Variants in TTN observed in about 807,000 individuals in gnomAD.
TTN encodes the protein titin.
In TTN, 1,525 loss-of-function variants were observed where a neutral mutation model predicts 3,223.0. The observed-to-expected ratio is 0.47, with a 90% CI of 0.45 to 0.49. The LOEUF (loss-of-function observed/expected upper bound fraction) is 0.49. TTN is among the 20% of genes least tolerant of loss of function. The pLI is 0.00. For missense variants in TTN, 40,786 were observed against 43,424.0 expected (o/e 0.94, Z 5.40); for synonymous variants, 14,094 against 15,161.0 (o/e 0.93, Z 5.17).
intron 47 of TTN, chr2:178,749,532 G>C (rs776618967): frequency 1.2e-6 from 2 of 1,612,710 alleles, no homozygotes; most frequent in Non-Finnish European, 1.7e-6. Context: ...GGACCAGCTG[G>C]ATAATCATAA....
At position 178,554,742 on chromosome 2, in the gene TTN, G is replaced by T; in HGVS notation, c.88605C>A (p.Gly29535=). The change falls in exon 332 of 363, where the codon GGC becomes GGA. Residue 29535 remains glycine, a synonymous_variant. Coordinates refer to ENST00000589042, the MANE Select transcript of TTN (RefSeq NM_001267550.2). ...TAAATTCAATTGGTCCACCAGGTGG[G>T]CCTGGTTTGTCTATCAGTGAAAGGA... ...TIRVQILDKP[G]PPGGPIEFKT... 6.2e-7 allele frequency: 1 copy of T among 1,613,540 alleles called. No homozygotes were observed. The highest frequency in any genetic ancestry group is 8.5e-7 in the Non-Finnish European group (1 of 1,179,754).
intron 236 of TTN, 128 bp from the exon 237 acceptor site, chr2:178,631,428 T>G (rs1284650619): frequency 4.0e-6 from 4 of 1,001,428 alleles, no homozygotes; most frequent in Middle Eastern, 3.2e-4. Context: ...TGTTCAATCA[T>G]TTAACCTGTT....
At position 178,533,456 on chromosome 2, in the gene TTN, A is replaced by G; in HGVS notation, c.103159T>C (p.Ser34387Pro). Reference sequence around the variant, plus strand: ...TTTAATGTTGGTGGGGGGATGCCAGACACTCTGATCTCAAAGCAGACACTT... The same window carrying G: ...TTTAATGTTGGTGGGGGGATGCCAGGCACTCTGATCTCAAAGCAGACACTT... ...GQSVCFEIRV[S>P]GIPPPTLKWE... Residue 34387 changes from serine (S) to proline (P), a missense_variant, in exon 358 of 363, where the codon TCT becomes CCT. By Grantham distance (74) the Ser-to-Pro change is moderately conservative. Coordinates refer to ENST00000589042, the MANE Select transcript of TTN (RefSeq NM_001267550.2). 6.2e-7 allele frequency: 1 copy of G among 1,613,736 alleles called. No individual in the cohort carries two copies. Among genetic ancestry groups the G allele is most frequent in the South Asian group, 1.1e-5 (1 of 91,080 alleles).
chr2:178,589,306 T>G lies in TTN; in HGVS notation c.62419A>C (p.Lys20807Gln). 1 of 1,613,226 alleles carries G rather than the reference T, an allele frequency of 6.2e-7. No homozygotes were observed. The highest frequency in any genetic ancestry group is 8.5e-7 in the Non-Finnish European group (1 of 1,179,430). ...GATCTTGTTAAGTCTGTAGCGTCTTTGTCCTTGGTCCATGCAACTTCTGGG... is the reference window on the plus strand; with the variant it reads ...GATCTTGTTAAGTCTGTAGCGTCTTGGTCCTTGGTCCATGCAACTTCTGGG... ...PFPEVAWTKD[K>Q]DATDLTRSPR... is the part of the protein sequence containing the mutation. The change falls in exon 304 of 363, where the codon AAA (lysine) becomes CAA (glutamine). Residue 20807 changes from lysine to glutamine, a missense_variant. By Grantham distance (53) the Lys-to-Gln change is moderately conservative. Coordinates refer to ENST00000589042, the MANE Select transcript of TTN (RefSeq NM_001267550.2).
At chr2:178,743,059 A>G (rs1218349417) in intron 47 of TTN, 2 of 152,080 alleles carry the variant, frequency 1.3e-5, no homozygotes, top group African/African-American at 4.8e-5. Context: ...TCTACAATAC[A>G]TAATTCGCGT....
intron 29 of TTN, 152 bp downstream of exon 29, chr2:178,774,769 T>C (rs1178056795): frequency 1.1e-6 from 1 of 940,200 alleles, no homozygotes; most frequent in Non-Finnish European, 1.6e-6. Flanking sequence ...CATTCTTAAT[T>C]ACGAACATAA....
At chr2:178,610,529 T>C (rs537887287) in intron 270 of TTN, 140 bp from the exon 271 acceptor site, 6 of 915,384 alleles carry the variant, frequency 6.6e-6, no homozygotes, top group African/African-American at 3.4e-5. Flanking sequence ...CTGCAGAGCA[T>C]TTAGCATCCT....
Position 178,740,295 on chromosome 2 carries a change from T to A in TTN, c.12938A>T (p.Asn4313Ile), listed in dbSNP as rs1202314960. ...TCTGACCGCAGAATCTTGCCCTGCA[T>A]TTTCCAGTGGATTTGCACTTTCTAT... Reference protein sequence around the residue: ...ILIESANPLENAGQDSAVRIE... With the variant: ...ILIESANPLEIAGQDSAVRIE... Residue 4313 changes from asparagine to isoleucine, a missense_variant, in exon 48 of 363, where the codon AAT becomes ATT. By Grantham distance (149) the Asn-to-Ile change is moderately radical. Coordinates refer to ENST00000589042, the MANE Select transcript of TTN (RefSeq NM_001267550.2). 9 of 1,613,724 alleles carry A rather than the reference T, an allele frequency of 5.6e-6. No homozygotes were observed. The South Asian group carries it at 8.8e-5, about 16-fold the overall frequency.
Position 178,533,004 on chromosome 2 carries a change from C to T in TTN, c.103611G>A (p.Arg34537=). The T allele has an allele frequency of 6.2e-7, 1 of 1,613,902 alleles. No homozygotes were observed. Among genetic ancestry groups the T allele is most frequent in the Non-Finnish European group, 8.5e-7 (1 of 1,179,866 alleles). The change falls in exon 358 of 363, where the codon CGG becomes CGA. Residue 34537 remains arginine (R), a synonymous_variant. Coordinates refer to ENST00000589042, the MANE Select transcript of TTN (RefSeq NM_001267550.2). The stretch of plus-strand genomic sequence containing the variant: ...GTGGCTCTGGTACATCATAAGGCAT[C>T]CGGAGTTTTCTCTCCTCCTTCTTTT... The part of the protein sequence containing the change: ...IEEKKEERKL[R]MPYDVPEPRK...
chr2:178,804,483 GC>G (rs1292812009), intron 2 of TTN, 68 bp downstream of exon 2: 9 of 1,490,354 alleles, frequency 6.0e-6, no homozygotes, highest in Admixed American at 1.7e-5. Context: ...GTCAAGTCCT[GC>G]AGCAACGTTA....
In TTN at chr2:178,617,333, T is replaced by G; in HGVS notation, c.47752A>C (p.Thr15918Pro). 1 of 1,574,680 alleles carries G rather than the reference T, an allele frequency of 6.4e-7. No homozygotes were observed. Among genetic ancestry groups the G allele is most frequent in the Non-Finnish European group, 8.6e-7 (1 of 1,164,208 alleles). Residue 15918 changes from threonine to proline, a missense_variant, in exon 254 of 363, where the codon ACT (threonine) becomes CCT (proline). Thr to Pro is a conservative substitution (Grantham distance 38, BLOSUM62 -1). Transcript: ENST00000589042. ...ATATGCAAATGACCTACCTTGTAAG[T>G]CAGTTCAGGGACAAGTTTCATATTG... The part of the protein sequence containing the change: ...RCNMKLVPEL[T>P]YKVTGLEKGN...
chr2:178,549,778 A>G lies in TTN; in HGVS notation c.91944T>C (p.Gly30648=). ...TLWWDAPLND[G]CAPITHYIIE... ...TGATGTAGTGGGTTATGGGAGCACAACCGTCATTGAGTGGGGCATCCCACC... is the reference window on the plus strand; with the variant it reads ...TGATGTAGTGGGTTATGGGAGCACAGCCGTCATTGAGTGGGGCATCCCACC... The change falls in exon 338 of 363, where the codon GGT becomes GGC. Residue 30648 remains glycine, a synonymous_variant. Coordinates refer to ENST00000589042, the MANE Select transcript of TTN (RefSeq NM_001267550.2). The G allele has an allele frequency of 6.2e-7, 1 of 1,612,562 alleles. No homozygotes were observed. The highest frequency in any genetic ancestry group is 8.5e-7 in the Non-Finnish European group (1 of 1,178,804).
In TTN at chr2:178,589,679, C is replaced by A. The variant is rs756250387; in HGVS notation, c.62046G>T (p.Lys20682Asn). 1.9e-6 allele frequency: 3 copies of A among 1,613,388 alleles called. No homozygotes were observed. Among genetic ancestry groups the A allele is most frequent in the Non-Finnish European group, 2.5e-6 (3 of 1,179,602 alleles). Residue 20682 changes from lysine (K) to asparagine (N), a missense_variant, in exon 304 of 363, where the codon AAG (lysine) becomes AAT (asparagine). Physicochemically the swap from Lys to Asn is moderately conservative, Grantham distance 94. Transcript: ENST00000589042. ...TCCGCCACTTTAGATAGACAAATGT[C>A]TTTCCTTTATCTGCAATGTGAAGGT... ...PENLHIADKGKTFVYLKWRRP... is the reference protein window; with the variant it reads ...PENLHIADKGNTFVYLKWRRP...
Position 178,530,423 on chromosome 2 carries a change from T to C in TTN, c.106192A>G (p.Lys35398Glu). Residue 35398 changes from lysine to glutamate, a missense_variant, in exon 358 of 363, where the codon AAA becomes GAA. By Grantham distance (56) the Lys-to-Glu change is moderately conservative. Coordinates refer to ENST00000589042, the MANE Select transcript of TTN (RefSeq NM_001267550.2). Reference sequence around the variant, plus strand: ...CTGGTTACTGTTGACTCAGTGGTTTTCTGATCTGATTTCTTAGTTTCTGAT... The same window carrying C: ...CTGGTTACTGTTGACTCAGTGGTTTCCTGATCTGATTTCTTAGTTTCTGAT... Reference protein sequence around the residue: ...KISETKKSDQKTTESTVTRKT... With the variant: ...KISETKKSDQETTESTVTRKT... The C allele has an allele frequency of 1.2e-6, 2 of 1,614,026 alleles. No homozygotes were observed. Among genetic ancestry groups the C allele is most frequent in the Non-Finnish European group, 1.7e-6 (2 of 1,179,888 alleles).
rs1018272067 is a variant in TTN at position 178,731,856 on chromosome 2, A to G, written c.17019T>C (p.Asp5673=). 6.2e-7 allele frequency: 1 copy of G among 1,613,796 alleles called. No homozygotes were observed. The highest frequency in any genetic ancestry group is 2.2e-5 in the East Asian group (1 of 44,872). ...TTCTACCACTTCGCAGGATTGTGTTATCTTTGAACCAAGTGATCTCAAAGG... is the reference window on the plus strand; with the variant it reads ...TTCTACCACTTCGCAGGATTGTGTTGTCTTTGAACCAAGTGATCTCAAAGG... ...TPPFEITWFK[D]NTILRSGRKY... The change falls in exon 58 of 363, where the codon GAT becomes GAC. Residue 5673 remains aspartate (D), a synonymous_variant. Transcript: ENST00000589042.
Position 178,583,768 on chromosome 2 carries a change from A to T in TTN, c.65414T>A (p.Val21805Glu). 2 of 1,611,404 alleles carry T rather than the reference A, an allele frequency of 1.2e-6. No homozygotes were observed. Among genetic ancestry groups the T allele is most frequent in the Non-Finnish European group, 1.7e-6 (2 of 1,178,742 alleles). ...EACKLPGDKW[V>E]RCNTAPHQIP... is the part of the protein sequence containing the mutation. ...CTGGTGAGGTGCAGTATTGCACCGT[A>T]CCCATTTATCACCAGGAAGTTTGCA... The change falls in exon 312 of 363, where the codon GTA becomes GAA. Residue 21805 changes from valine to glutamate, a missense_variant. Coordinates refer to ENST00000589042, the MANE Select transcript of TTN (RefSeq NM_001267550.2).
rs777789224 is a variant in TTN at position 178,593,030 on chromosome 2, C to T, written c.59089G>A (p.Val19697Ile). The T allele has an allele frequency of 6.2e-7, 1 of 1,613,436 alleles. No individual in the cohort carries two copies. The highest frequency in any genetic ancestry group is 8.5e-7 in the Non-Finnish European group (1 of 1,179,628). Residue 19697 changes from valine (V) to isoleucine (I), a missense_variant, in exon 300 of 363, where the codon GTC (valine) becomes ATC (isoleucine). Physicochemically the swap from Val to Ile is conservative, Grantham distance 29. Coordinates refer to ENST00000589042, the MANE Select transcript of TTN (RefSeq NM_001267550.2). ...CGTGGTGGCTGCCAAGTTAGATCGA[C>T]TGAATTGCATGTTGTATCTATTGCT... ...PEAIDTTCNSVDLTWQPPRHD... is the reference protein window; with the variant it reads ...PEAIDTTCNSIDLTWQPPRHD...
At chr2:178,676,248 T>C in intron 147 of TTN, 1 of 325,902 alleles carries the variant, frequency 3.1e-6, no homozygotes, top group Non-Finnish European at 5.6e-6. Flanking sequence ...TTACTTTTAA[T>C]GCTAAAAACC....
At position 178,773,840 on chromosome 2, in the gene TTN, T is replaced by C. The variant is rs369407160; in HGVS notation, c.7328A>G (p.Tyr2443Cys). 20 of 1,613,974 alleles carry C rather than the reference T, an allele frequency of 1.2e-5. No individual in the cohort carries two copies. In the African/African-American group the frequency reaches 2.0e-4, roughly 16 times the overall value. ...GLSTSGRVSVYSVDVITPLKD... is the reference protein window; with the variant it reads ...GLSTSGRVSVCSVDVITPLKD... The stretch of plus-strand genomic sequence containing the variant: ...AAAATTTTATAATTAGGACTCACTA[T>C]AGACAGAGACACGCCCACTGGTGGA... Residue 2443 changes from tyrosine (Y) to cysteine (C), a missense_variant and splice_region_variant, in exon 31 of 363, where the codon TAT (tyrosine) becomes TGT (cysteine). By Grantham distance (194) the Tyr-to-Cys change is radical (BLOSUM62 -2). Transcript: ENST00000589042.
Sources: gnomAD v4.1 joint callset for allele counts on GRCh38, gnomAD v4.1.1 for gene constraint, MANE v1.5 for transcripts, NCBI Gene and HGNC (gene_info 2026-07-23, HGNC 2026-07-21) for gene names.